Variants in DPP10 observed in about 807,000 individuals in gnomAD.
DPP10 encodes the protein dipeptidyl peptidase like 10.
In DPP10, 33 loss-of-function variants were observed where a neutral mutation model predicts 120.9. That is an observed-to-expected ratio of 0.27 (90% confidence interval 0.21 to 0.37). DPP10 has a LOEUF of 0.37. Among genes scored for constraint, DPP10 ranks in the 10% least tolerant of loss-of-function variants. The pLI, the probability that DPP10 is intolerant of heterozygous loss-of-function variation, is 1.00. For missense variants in DPP10, 816 were observed against 942.8 expected, an observed-to-expected ratio of 0.87 and a Z score of 1.76; for synonymous variants, 337 against 326.1, an observed-to-expected ratio of 1.03 and a Z score of -0.36.
At chr2:115,441,560 G>A (rs976789848) in intron 3 of DPP10, among the ~76,000 whole-genome samples, 1 of 152,056 alleles carries the variant, frequency 6.6e-6, no homozygotes, top group Non-Finnish European at 1.5e-5. Flanking sequence ...GATGCCCTAT[G>A]GTTATGTTTG....
At chr2:115,746,065 A>G in intron 9 of DPP10, 21 bp from the exon 10 acceptor site, 3 of 1,555,202 alleles carry the variant, frequency 1.9e-6, no homozygotes, top group South Asian at 2.3e-5. Flanking sequence ...TACTTGCAAT[A>G]CAACTTTCAT....
At chr2:115,803,043 C>A (rs760863373) in intron 19 of DPP10, among the ~76,000 whole-genome samples, 10 of 151,958 alleles carry the variant, frequency 6.6e-5, no homozygotes, top group Non-Finnish European at 1.3e-4. Flanking sequence ...TTAAAGTGTC[C>A]CATTATTATT....
rs146674477 is a variant in DPP10, at chr2:115,614,722, C to G, written c.442-74965C>G. Among the ~76,000 whole-genome samples the G allele has an allele frequency of 2.6e-4, 40 of 152,316 alleles. No homozygotes were observed. In the East Asian group the frequency reaches 7.0e-3, roughly 26 times the overall value. On this transcript the variant is annotated intron_variant, in intron 5 of 25. Coordinates refer to ENST00000410059, the MANE Select transcript of DPP10 (RefSeq NM_020868.6). ...GCCAGGCTAGGGGGAGGAATTCTAA[C>G]TTGGCAAGGCTAAGAGACCTGCTAA...
intron 1 of DPP10, among the ~76,000 whole-genome samples, chr2:114,857,631 A>G (rs1275087401): frequency 6.6e-6 from 1 of 152,218 alleles, no homozygotes; most frequent in African/African-American, 2.4e-5. Context: ...ATTTTGGACT[A>G]GAACTAGTAA....
At chr2:115,643,150 G>T (rs553453733) in intron 5 of DPP10, among the ~76,000 whole-genome samples, 2 of 152,016 alleles carry the variant, frequency 1.3e-5, no homozygotes, top group Admixed American at 6.6e-5. Context: ...AAATGCGTAA[G>T]AAGAGCAACT....
chr2:115,681,036 A>T lies in DPP10; in HGVS notation c.442-8651A>T, dbSNP rs190162026. On this transcript the variant is annotated intron_variant, in intron 5 of 25. Transcript: ENST00000410059. ...ATTGTCATTGTTTTTCCTTGAAATAATTTAAATTACCTCAATGGCAACATG... is the reference window on the plus strand; with the variant it reads ...ATTGTCATTGTTTTTCCTTGAAATATTTTAAATTACCTCAATGGCAACATG... Among the ~76,000 whole-genome samples the T allele has an allele frequency of 2.9e-3, 434 of 152,002 alleles. 1 individual carries two copies. Among genetic ancestry groups the T allele is most frequent in the South Asian group, 6.6e-3 (32 of 4,826 alleles).
chr2:115,820,378 C>G (rs1417292612), intron 21 of DPP10, among the ~76,000 whole-genome samples: 1 of 150,358 alleles, frequency 6.7e-6, no homozygotes, highest in Admixed American at 6.6e-5. Context: ...ATGAGCCTAT[C>G]AGTTTCTTAT....
chr2:115,185,183 A>G (rs982580234), intron 1 of DPP10, among the ~76,000 whole-genome samples: 10 of 152,114 alleles, frequency 6.6e-5, no homozygotes, highest in African/African-American at 2.2e-4. Flanking sequence ...CTTAAAACGC[A>G]CAGCACGTTA....
intron 1 of DPP10, among the ~76,000 whole-genome samples, chr2:114,596,003 C>CCT (rs1362733069): frequency 6.6e-6 from 1 of 152,052 alleles, no homozygotes; most frequent in Non-Finnish European, 1.5e-5. Context: ...GGATGAAGCT[C>CCT]CTCGGTATTT....
At chr2:115,831,590 T>G (rs1688935983) in intron 21 of DPP10, among the ~76,000 whole-genome samples, 1 of 152,064 alleles carries the variant, frequency 6.6e-6, no homozygotes, top group African/African-American at 2.4e-5. Context: ...TTTACTATAT[T>G]CATAAAGTCA....
At chr2:115,260,317 G>T (rs1224235198) in intron 1 of DPP10, among the ~76,000 whole-genome samples, 1 of 151,994 alleles carries the variant, frequency 6.6e-6, no homozygotes, top group Non-Finnish European at 1.5e-5. Flanking sequence ...TCATTCCGTT[G>T]GTAATAATTT....
intron 1 of DPP10, among the ~76,000 whole-genome samples, chr2:115,006,280 C>A (rs1701834295): frequency 6.6e-6 from 1 of 151,956 alleles, no homozygotes; most frequent in South Asian, 2.1e-4. Flanking sequence ...AATGTAAAGA[C>A]CATCGAGACT....
chr2:115,195,433 A>G (rs987399048), intron 1 of DPP10, among the ~76,000 whole-genome samples: 2 of 152,126 alleles, frequency 1.3e-5, no homozygotes. Context: ...AAGTGTGACT[A>G]TTTGTCTTGA....
At position 115,824,404 on chromosome 2, in the gene DPP10, T is replaced by C. The variant is rs528226968; in HGVS notation, c.1950+8675T>C. 3.9e-5 allele frequency among the ~76,000 whole-genome samples: 6 copies of C among 152,270 alleles called. No homozygotes were observed. In the South Asian group the frequency reaches 1.2e-3, roughly 32 times the overall value. Reference sequence around the variant, plus strand: ...GTGCCATGGTGGTTTGCTGCACTTATCAACCCGTCATCTAGGTTTTAAGCC... The same window carrying C: ...GTGCCATGGTGGTTTGCTGCACTTACCAACCCGTCATCTAGGTTTTAAGCC... On this transcript the variant is annotated intron_variant, in intron 21 of 25. Coordinates refer to ENST00000410059, the MANE Select transcript of DPP10 (RefSeq NM_020868.6).
At chr2:114,851,985 C>A (rs554174220) in intron 1 of DPP10, among the ~76,000 whole-genome samples, 1 of 151,748 alleles carries the variant, frequency 6.6e-6, no homozygotes, top group Non-Finnish European at 1.5e-5. Flanking sequence ...GCTGTTGAGG[C>A]CTATAGGGTA....
chr2:115,185,258 T>A (rs1316017332), intron 1 of DPP10, among the ~76,000 whole-genome samples: 1 of 140,942 alleles, frequency 7.1e-6, no homozygotes, highest in Non-Finnish European at 1.6e-5. Flanking sequence ...TTTTTTTTTT[T>A]AACTTTTAGA....
chr2:114,454,562 TC>T (rs1678460890), intron 1 of DPP10, among the ~76,000 whole-genome samples: 2 of 152,102 alleles, frequency 1.3e-5, no homozygotes, highest in South Asian at 4.1e-4. Context: ...TTACCCAAGG[TC>T]CCCTGCTATT....
At chr2:115,737,190 A>G (rs1466979652) in intron 8 of DPP10, among the ~76,000 whole-genome samples, 1 of 152,206 alleles carries the variant, frequency 6.6e-6, no homozygotes, top group Non-Finnish European at 1.5e-5. Context: ...GTTAGAAAAC[A>G]TGCTTTGTGG....
chr2:114,548,652 C>A (rs887609725), intron 1 of DPP10, among the ~76,000 whole-genome samples: 2 of 152,164 alleles, frequency 1.3e-5, no homozygotes, highest in Non-Finnish European at 2.9e-5. Flanking sequence ...GACTTCATTT[C>A]CGGAGCTACT....
Sources: allele counts gnomAD v4.1 joint callset (sites outside exome capture counted in the v4.1 genomes callset), GRCh38; gene constraint gnomAD v4.1.1; transcripts MANE v1.5; gene names NCBI Gene and HGNC (gene_info 2026-07-23, HGNC 2026-07-21).